Variants in PCDHA8 observed in about 807,000 individuals in gnomAD.
PCDHA8 encodes the protein protocadherin alpha-8.
A neutral mutation model predicts 61.8 loss-of-function variants in PCDHA8; 53 were observed. The ratio of observed to expected loss-of-function variants is 0.86; its 90% CI spans 0.69 to 1.08. The LOEUF (loss-of-function observed/expected upper bound fraction) is 1.08. PCDHA8 is among the 50% of genes least tolerant of loss of function. The pLI is 0.00. For synonymous variants in PCDHA8, 618 were observed against 556.6 expected (o/e 1.11, Z -1.55); for missense variants, 1,293 against 1,245.0 (o/e 1.04, Z -0.58).
chr5:140,927,896 A>G (rs571131956), intron 1 of PCDHA8: 1 of 1,614,200 alleles, frequency 6.2e-7, no homozygotes, highest in African/African-American at 1.3e-5. Context: ...GACGTGAACG[A>G]TCATGCCCCC....
At chr5:140,969,945 A>G (rs2096371634) in intron 1 of PCDHA8, among the ~76,000 whole-genome samples, 1 of 152,214 alleles carries the variant, frequency 6.6e-6, no homozygotes, top group South Asian at 2.1e-4. Flanking sequence ...TACTGAAGCT[A>G]AAGTTTGCTT....
chr5:140,988,623 T>C (rs147544785), intron 3 of PCDHA8, among the ~76,000 whole-genome samples: 188 of 152,312 alleles, frequency 1.2e-3, no homozygotes, highest in African/African-American at 3.6e-3. Context: ...AGAATGGAGA[T>C]GTCCTGGTTT....
intron 1 of PCDHA8, chr5:140,856,447 CG>C (rs782392908): frequency 2.5e-6 from 4 of 1,598,330 alleles, no homozygotes. Flanking sequence ...CCAGGTTCTC[CG>C]TAACAGAACA....
intron 1 of PCDHA8, chr5:140,882,683 C>G (rs1554175163): frequency 6.2e-7 from 1 of 1,614,148 alleles, no homozygotes; most frequent in Non-Finnish European, 8.5e-7. Flanking sequence ...AAGCAAGAAA[C>G]GAATAATCAT....
chr5:140,945,022 A>G (rs926595272), intron 1 of PCDHA8, among the ~76,000 whole-genome samples: 2 of 152,140 alleles, frequency 1.3e-5, no homozygotes, highest in Non-Finnish European at 2.9e-5. Flanking sequence ...TTTTTTACTC[A>G]GACATAATTA....
intron 1 of PCDHA8, among the ~76,000 whole-genome samples, chr5:140,964,965 G>GA (rs1296818132): frequency 6.6e-6 from 1 of 152,204 alleles, no homozygotes; most frequent in Non-Finnish European, 1.5e-5. Context: ...TTGGTGGAAC[G>GA]AAGGGATGTG....
chr5:140,996,944 ATATT>A (rs2097754010), intron 3 of PCDHA8, among the ~76,000 whole-genome samples: 1 of 152,144 alleles, frequency 6.6e-6, no homozygotes, highest in Non-Finnish European at 1.5e-5. Flanking sequence ...TTGCATAGAA[ATATT>A]TATTTCCCTC....
intron 1 of PCDHA8, among the ~76,000 whole-genome samples, chr5:140,908,023 A>G (rs797031285): frequency 5.9e-5 from 9 of 152,314 alleles, no homozygotes; most frequent in Admixed American, 2.6e-4. Context: ...GCTACAGCCC[A>G]TTAATCAGTA....
At chr5:140,964,009 A>G (rs1435043905) in intron 1 of PCDHA8, among the ~76,000 whole-genome samples, 1 of 152,160 alleles carries the variant, frequency 6.6e-6, no homozygotes, top group Non-Finnish European at 1.5e-5. Context: ...CTACTTTTTA[A>G]TAGAGAGCTC....
At chr5:140,924,105 C>A (rs140580566) in intron 1 of PCDHA8, among the ~76,000 whole-genome samples, 5 of 152,144 alleles carry the variant, frequency 3.3e-5, no homozygotes, top group Admixed American at 2.6e-4. Flanking sequence ...ATTTTCATTC[C>A]AAAGCAGTTA....
intron 1 of PCDHA8, chr5:140,868,989 C>T (rs1280457697): frequency 1.3e-6 from 2 of 1,506,850 alleles, no homozygotes; most frequent in Non-Finnish European, 1.8e-6. Context: ...CGGATGCCAC[C>T]GTTTAAGGAT....
At chr5:140,891,698 T>C (rs2063212804) in intron 1 of PCDHA8, among the ~76,000 whole-genome samples, 1 of 152,258 alleles carries the variant, frequency 6.6e-6, no homozygotes, top group Non-Finnish European at 1.5e-5. Context: ...TGCTGTTGTC[T>C]GAATTTGTAC....
intron 1 of PCDHA8, chr5:140,867,791 C>T (rs2050146253): frequency 1.3e-5 from 2 of 152,072 alleles, no homozygotes; most frequent in African/African-American, 2.4e-5. Context: ...CTGTATTTTA[C>T]TTAGCATTTT....
chr5:140,853,345 C>A, intron 1 of PCDHA8: 2 of 982,280 alleles, frequency 2.0e-6, no homozygotes, highest in Non-Finnish European at 2.5e-6. Context: ...CATTAGCAAA[C>A]ATGAACTCAC....
Position 140,848,404 on chromosome 5 carries a change from G to T in PCDHA8, c.2394+4689G>T, listed in dbSNP as rs2150409981. The stretch of plus-strand genomic sequence containing the variant: ...TTCACTCTCTCTGTGCTGAACGATG[G>T]CGAACACAGCAGAATGGGACTGACG... On this transcript the variant is annotated intron_variant, in intron 1 of 3. Coordinates refer to ENST00000531613, the MANE Select transcript of PCDHA8 (RefSeq NM_018911.3). 7 of 1,324,350 alleles carry T rather than the reference G, an allele frequency of 5.3e-6. 2 individuals are homozygous for T. In the Admixed American group the frequency reaches 1.3e-4, roughly 24 times the overall value. 82.0% of individuals were successfully genotyped at this position (1,324,350 alleles called of 1,614,324 possible).
chr5:140,857,988 T>C lies in PCDHA8; in HGVS notation c.2394+14273T>C, dbSNP rs370495338. 30 of 1,596,780 alleles carry C rather than the reference T, an allele frequency of 1.9e-5. 3 individuals carry two copies. In the African/African-American group the frequency reaches 2.3e-4, roughly 12 times the overall value. On this transcript the variant is annotated intron_variant, in intron 1 of 3. Coordinates refer to ENST00000531613, the MANE Select transcript of PCDHA8 (RefSeq NM_018911.3). Reference sequence around the variant, plus strand: ...ACTGACTCGCCACGCCAGCGCCTACTGGTGCTGGTGAAGGACCATGGCGAG... The same window carrying C: ...ACTGACTCGCCACGCCAGCGCCTACCGGTGCTGGTGAAGGACCATGGCGAG...
chr5:141,005,814 A>G (rs947359019), intron 3 of PCDHA8, among the ~76,000 whole-genome samples: 1 of 149,766 alleles, frequency 6.7e-6, no homozygotes, highest in Non-Finnish European at 1.5e-5. Context: ...GGAGCCAGGT[A>G]TGGTGGCCTG....
intron 1 of PCDHA8, among the ~76,000 whole-genome samples, chr5:140,964,719 C>T (rs1042863318): frequency 1.3e-5 from 2 of 151,420 alleles, no homozygotes; most frequent in Non-Finnish European, 2.9e-5. Flanking sequence ...ATCAAATTAC[C>T]ACAGCAAACT....
chr5:140,958,997 A>C (rs1356032687), intron 1 of PCDHA8, among the ~76,000 whole-genome samples: 1 of 152,076 alleles, frequency 6.6e-6, no homozygotes, highest in African/African-American at 2.4e-5. Context: ...CTAATCTTTT[A>C]CTGTACCTAA....
Sources: gnomAD v4.1 joint callset for allele counts (sites outside exome capture counted in the v4.1 genomes callset) on GRCh38, gnomAD v4.1.1 for gene constraint, MANE v1.5 for transcripts, NCBI Gene and HGNC (gene_info 2026-07-23, HGNC 2026-07-21) for gene names.